TFB1M: variants seen among roughly 807,000 people sequenced by gnomAD.
The protein encoded by TFB1M is transcription factor B1, mitochondrial, also known as dimethyladenosine transferase 1, mitochondrial.
TFB1M carries 27 observed loss-of-function variants against 31.1 expected under a neutral mutation model. The ratio of observed to expected loss-of-function variants is 0.87; its 90% CI spans 0.64 to 1.20. TFB1M has a LOEUF of 1.20. TFB1M is among the 50% of genes most tolerant of loss of function. TFB1M has a pLI of 0.00. For missense variants in TFB1M, 394 were observed against 418.7 expected (o/e 0.94, Z 0.51); for synonymous variants, 166 against 151.8 (o/e 1.09, Z -0.69).
At position 155,298,489 on chromosome 6, in the gene TFB1M, G is replaced by A; in HGVS notation, c.382C>T (p.Pro128Ser). The change falls in exon 3 of 7, where the codon CCC becomes TCC. Residue 128 changes from proline (P) to serine (S), a missense_variant. Around this residue, in one of 3 missense-constraint regions of TFB1M, gnomAD observed 273 missense variants for 256.4 expected, o/e 1.06. Transcript: ENST00000367166. The part of the protein sequence containing the change: ...EKAFSESLKR[P>S]WEDDPPNVHI... ...CAAAAGCACTCACCATCTTCCCAGG[G>A]TCTTTTAAGACTTTCTGAAAAAGCC... The A allele has an allele frequency of 6.3e-7, 1 of 1,591,658 alleles. No homozygotes were observed. Among genetic ancestry groups the A allele is most frequent in the South Asian group, 1.1e-5 (1 of 90,648 alleles).
rs1251170844 is a variant in TFB1M at position 155,275,518 on chromosome 6, G to A, written c.666+9640C>T. ...CTCATCTGCTTGGGGGCTGGAGAAG[G>A]GGGATACTCAGATGTGTTCTTGGCT... On this transcript the variant is annotated intron_variant, in intron 5 of 6. Coordinates refer to ENST00000367166, the MANE Select transcript of TFB1M (RefSeq NM_016020.4). 6 of 552,116 alleles carry A rather than the reference G, an allele frequency of 1.1e-5. No individual in the cohort carries two copies. In the South Asian group the frequency reaches 1.4e-4, roughly 13 times the overall value. The allele number at this position is 552,116 out of a possible 1,614,324, so 34.2% of individuals were successfully genotyped here.
At chr6:155,306,447 A>G (rs1437119628) in intron 2 of TFB1M, among the ~76,000 whole-genome samples, 2 of 152,230 alleles carry the variant, frequency 1.3e-5, no homozygotes, top group African/African-American at 2.4e-5. Flanking sequence ...TTATTACAGT[A>G]TAAGAGCCAA....
the TFB1M span, among the ~76,000 whole-genome samples, chr6:155,249,516 C>T: frequency 3.3e-5 from 5 of 152,176 alleles, no homozygotes; most frequent in African/African-American, 4.8e-5. Context: ...TGAGTTATTG[C>T]GGGCACTAAA....
At chr6:155,265,736 A>G (rs558039930) in intron 5 of TFB1M, among the ~76,000 whole-genome samples, 1 of 140,706 alleles carries the variant, frequency 7.1e-6, no homozygotes, top group Non-Finnish European at 1.5e-5. Context: ...ATAAATATAT[A>G]TTATATATAA....
the TFB1M span, chr6:155,240,389 T>G: frequency 1.3e-6 from 1 of 773,546 alleles, no homozygotes; most frequent in Non-Finnish European, 1.9e-6. Context: ...GGGTTTGAGG[T>G]GAATGAAACC....
rs1784190728 is a variant in TFB1M at position 155,258,037 on chromosome 6, C to T, written c.840G>A (p.Leu280=). The T allele has an allele frequency of 1.2e-6, 2 of 1,614,108 alleles. No homozygotes were observed. The highest frequency in any genetic ancestry group is 2.2e-5 in the South Asian group (2 of 91,090). Residue 280 remains leucine, a synonymous_variant, in exon 7 of 7, where the codon CTG becomes CTA. Coordinates refer to ENST00000367166, the MANE Select transcript of TFB1M (RefSeq NM_016020.4). ...EAQRLESTGR[L]LELADIDPTL... ...TAGGGTCTATGTCTGCCAACTCTAACAGCCTGCCCGTGCTTTCCAAGCGCT... is the reference window on the plus strand; with the variant it reads ...TAGGGTCTATGTCTGCCAACTCTAATAGCCTGCCCGTGCTTTCCAAGCGCT...
At chr6:155,232,371 G>A in the TFB1M span, among the ~76,000 whole-genome samples, 1 of 152,070 alleles carries the variant, frequency 6.6e-6, no homozygotes, top group South Asian at 2.1e-4. Context: ...ATTTAGTAGT[G>A]CAGCCTCCCC....
At chr6:155,262,509 A>G (rs937496534) in intron 5 of TFB1M, among the ~76,000 whole-genome samples, 5 of 152,090 alleles carry the variant, frequency 3.3e-5, no homozygotes, top group African/African-American at 1.2e-4. Context: ...CATCTCCTGT[A>G]ACCCTTCAAC....
chr6:155,243,460 G>A, the TFB1M span, among the ~76,000 whole-genome samples: 1 of 152,178 alleles, frequency 6.6e-6, no homozygotes, highest in African/African-American at 2.4e-5. Flanking sequence ...GGGAATGATC[G>A]AGCTGTAAAG....
At chr6:155,231,060 TCA>T in the TFB1M span, among the ~76,000 whole-genome samples, 1 of 152,026 alleles carries the variant, frequency 6.6e-6, no homozygotes, top group Non-Finnish European at 1.5e-5. Flanking sequence ...CAGGCTGGTC[TCA>T]GACTCCTGAC....
the TFB1M span, among the ~76,000 whole-genome samples, chr6:155,232,221 C>T: frequency 3.3e-5 from 5 of 151,774 alleles, no homozygotes; most frequent in Admixed American, 6.6e-5. Context: ...GTGACTTTTA[C>T]GAAGTTCAGA....
At chr6:155,286,553 G>C (rs533061212) in intron 4 of TFB1M, among the ~76,000 whole-genome samples, 13 of 146,984 alleles carry the variant, frequency 8.8e-5, no homozygotes, top group Non-Finnish European at 1.8e-4. Context: ...ATATATGTGT[G>C]TATATATATG....
chr6:155,257,000 AG>A lies in TFB1M; in HGVS notation c.*835del, dbSNP rs755875001. The A allele has an allele frequency of 2.5e-6, 4 of 1,614,222 alleles. No individual in the cohort carries two copies. Among genetic ancestry groups the A allele is most frequent in the East Asian group, 2.2e-5 (1 of 44,886 alleles). On this transcript the variant is annotated 3_prime_UTR_variant, in exon 7 of 7. Coordinates refer to ENST00000367166, the MANE Select transcript of TFB1M (RefSeq NM_016020.4). Reference sequence around the variant, plus strand: ...ATCCGTCACCAGTCCCTTGACAGTCAGTCTGAAAATGCCACCATCGACCTAA... The same window carrying A: ...ATCCGTCACCAGTCCCTTGACAGTCATCTGAAAATGCCACCATCGACCTAA...
intron 4 of TFB1M, among the ~76,000 whole-genome samples, chr6:155,296,371 T>G (rs1777171509): frequency 6.6e-6 from 1 of 151,146 alleles, no homozygotes; most frequent in African/African-American, 2.4e-5. Context: ...GCAATTCTCC[T>G]GGCTCAGCCT....
intron 5 of TFB1M, among the ~76,000 whole-genome samples, chr6:155,281,604 C>A (rs1049604552): frequency 1.3e-5 from 2 of 151,652 alleles, no homozygotes; most frequent in Admixed American, 1.3e-4. Flanking sequence ...CGCCTGTAAT[C>A]CCAGCTACTC....
intron 2 of TFB1M, among the ~76,000 whole-genome samples, chr6:155,300,277 T>G (rs535326546): frequency 9.8e-5 from 15 of 152,362 alleles, no homozygotes; most frequent in African/African-American, 3.4e-4. Flanking sequence ...TAGTTTGATA[T>G]GTTTAGCCAT....
At chr6:155,282,612 C>T (rs1480465134) in intron 5 of TFB1M, among the ~76,000 whole-genome samples, 15 of 152,190 alleles carry the variant, frequency 9.9e-5, no homozygotes, top group Admixed American at 2.0e-4. Flanking sequence ...CCTTGTGTTG[C>T]AATTATGTGC....
the TFB1M span, among the ~76,000 whole-genome samples, chr6:155,248,669 A>G: frequency 6.6e-6 from 1 of 152,212 alleles, no homozygotes; most frequent in Non-Finnish European, 1.5e-5. Context: ...TATGCTTTCA[A>G]GTCGCTACTG....
chr6:155,291,645 C>T (rs527256981), intron 4 of TFB1M, among the ~76,000 whole-genome samples: 6 of 152,276 alleles, frequency 3.9e-5, no homozygotes, highest in South Asian at 2.1e-4. Context: ...GGTGGTTCTT[C>T]GCTGTGGGAG....
Sources: gnomAD v4.1 joint callset for allele counts (sites outside exome capture counted in the v4.1 genomes callset) on GRCh38, gnomAD v4.1.1 for gene constraint, gnomAD v4.1.1 regional missense constraint, MANE v1.5 for transcripts, NCBI Gene and HGNC (gene_info 2026-07-23, HGNC 2026-07-21) for gene names.